Variants in GSDME observed in about 807,000 individuals in gnomAD.
The protein encoded by GSDME is gasdermin-E.
In GSDME, 44 loss-of-function variants were observed where a neutral mutation model predicts 47.5. The observed-to-expected ratio is 0.93, with a 90% CI of 0.73 to 1.19. The LOEUF (loss-of-function observed/expected upper bound fraction) is 1.19, where lower values mean the gene tolerates loss of function less well. Ranked by LOEUF, GSDME falls within the 50% of genes most tolerant of loss-of-function variation. The pLI, the probability that GSDME is intolerant of heterozygous loss-of-function variation, is 0.00. For synonymous variants in GSDME, 258 were observed against 252.8 expected, an observed-to-expected ratio of 1.02 and a Z score of -0.20; for missense variants, 663 against 604.2, an observed-to-expected ratio of 1.10 and a Z score of -1.02.
the GSDME span, among the ~76,000 whole-genome samples, chr7:24,780,815 T>C: frequency 4.4e-3 from 666 of 152,310 alleles, 4 homozygotes; most frequent in African/African-American, 0.015. This position sits in a 1 kb window ranked among gnomAD's most constrained non-coding sequence, Gnocchi z 4.1. Flanking sequence ...TGGAGCCTAG[T>C]AGGATCTAGA....
At chr7:24,748,406 C>T (rs765762855) in intron 2 of GSDME, among the ~76,000 whole-genome samples, 7 of 152,074 alleles carry the variant, frequency 4.6e-5, no homozygotes, top group Non-Finnish European at 8.8e-5. Flanking sequence ...AATCCACCAG[C>T]CTCGGCCTCC....
the GSDME span, among the ~76,000 whole-genome samples, chr7:24,787,853 C>T: frequency 5.9e-5 from 9 of 152,112 alleles, no homozygotes; most frequent in South Asian, 4.2e-4. The surrounding 1 kb of genome is among the most constrained non-coding windows in gnomAD (Gnocchi z 5.0). Context: ...ATTACAGGCA[C>T]GTGCCACCAC....
At chr7:24,758,861 T>A (rs1791118030), upstream of GSDME, among the ~76,000 whole-genome samples, 1 of 152,234 alleles carries the variant, frequency 6.6e-6, no homozygotes, top group Non-Finnish European at 1.5e-5. The surrounding 1 kb of genome is among the most constrained non-coding windows in gnomAD (Gnocchi z 4.6). Flanking sequence ...GTCAGCAGCA[T>A]GAGGGCAGCT....
chr7:24,750,882 CTATT>C (rs1352373349), intron 1 of GSDME, among the ~76,000 whole-genome samples: 1 of 152,130 alleles, frequency 6.6e-6, no homozygotes, highest in Non-Finnish European at 1.5e-5. Flanking sequence ...GCAGTATAGA[CTATT>C]TAATAAATGC....
At position 24,721,196 on chromosome 7, in the gene GSDME, C is replaced by T. The variant is rs982554301; in HGVS notation, c.405-1978G>A. On this transcript the variant is annotated intron_variant, in intron 3 of 9. Coordinates refer to ENST00000645220, the MANE Select transcript of GSDME (RefSeq NM_001127453.2). The surrounding 1 kb of genome is among the most constrained non-coding windows in gnomAD (Gnocchi z 4.1). ...ACAACAGGGTGAATGTATTTAATGC[C>T]ACTGAATTTTACACTTAAAAATGGT... 2.0e-5 allele frequency among the ~76,000 whole-genome samples: 3 copies of T among 152,156 alleles called. No individual in the cohort carries two copies. Among genetic ancestry groups the T allele is most frequent in the Non-Finnish European group, 4.4e-5 (3 of 68,038 alleles).
In GSDME at chr7:24,756,594, C is replaced by T. The variant is rs1791025231; in HGVS notation, c.-20+802G>A. 6.6e-6 allele frequency among the ~76,000 whole-genome samples: 1 copy of T among 152,224 alleles called. No homozygotes were observed. The highest frequency in any genetic ancestry group is 1.5e-5 in the Non-Finnish European group (1 of 68,040). On this transcript the variant is annotated intron_variant, in intron 1 of 9. Coordinates refer to ENST00000645220, the MANE Select transcript of GSDME (RefSeq NM_001127453.2). The surrounding 1 kb of genome is among the most constrained non-coding windows in gnomAD (Gnocchi z 4.2). ...GCGTCTCGAGGACAGCGACCGCAAG[C>T]CATCCATCCCTTTCATTATCCCATT...
chr7:24,707,728 A>G, intron 7 of GSDME: 1 of 420,736 alleles, frequency 2.4e-6, no homozygotes, highest in Non-Finnish European at 4.3e-6. Flanking sequence ...GAGACAGAGC[A>G]GAGGCTGGAG....
chr7:24,765,431 T>C, the GSDME span, among the ~76,000 whole-genome samples: 61,030 of 152,048 alleles, frequency 0.4, 12,714 homozygotes, highest in East Asian at 0.7. Flanking sequence ...GCCTAAAGGT[T>C]GCTCCGGGTA....
At position 24,723,097 on chromosome 7, in the gene GSDME, A is replaced by G. The variant is rs78571206; in HGVS notation, c.405-3879T>C. Among the ~76,000 whole-genome samples, 589 of 152,318 alleles carry G rather than the reference A, an allele frequency of 3.9e-3. 4 individuals are homozygous for G. Among genetic ancestry groups the G allele is most frequent in the African/African-American group, 0.013 (545 of 41,570 alleles). On this transcript the variant is annotated intron_variant, in intron 3 of 9. Coordinates refer to ENST00000645220, the MANE Select transcript of GSDME (RefSeq NM_001127453.2). ...ACCTAGCAGCAAACACTTCCACCCA[A>G]GTCACTGGGATTCTGTTTCCCAGGA...
At chr7:24,771,992 C>T in the GSDME span, among the ~76,000 whole-genome samples, 6 of 152,180 alleles carry the variant, frequency 3.9e-5, no homozygotes, top group South Asian at 2.1e-4. This position sits in a 1 kb window ranked among gnomAD's most constrained non-coding sequence, Gnocchi z 4.1. Context: ...TCAGTTCATG[C>T]GCAACAGCCC....
chr7:24,719,043 G>T lies in GSDME; in HGVS notation c.576+4C>A, dbSNP rs755221661. ...TGAACGCAGGGCAGCCCGACTGCAC[G>T]CACCTGCACCGTCTTGGTCTGGATG... On this transcript the variant is annotated splice_donor_region_variant and intron_variant, in intron 4 of 9. Coordinates refer to ENST00000645220, the MANE Select transcript of GSDME (RefSeq NM_001127453.2). 14 of 1,611,890 alleles carry T rather than the reference G, an allele frequency of 8.7e-6. No homozygotes were observed. In the South Asian group the frequency reaches 1.4e-4, roughly 16 times the overall value.
Position 24,699,054 on chromosome 7 carries a change from A to G in GSDME, c.1463T>C (p.Leu488Pro). 1 of 1,613,716 alleles carries G rather than the reference A, an allele frequency of 6.2e-7. No homozygotes were observed. The highest frequency in any genetic ancestry group is 1.3e-5 in the African/African-American group (1 of 75,046). The change falls in exon 10 of 10, where the codon CTC (leucine) becomes CCC (proline). Residue 488 changes from leucine (L) to proline (P), a missense_variant. Physicochemically the swap from Leu to Pro is moderately conservative, Grantham distance 98. Transcript: ENST00000645220. ...TGAATGTTCTCTGCCTAAAGCACAG[A>G]GTCCATTCAGGGTTATACAAAGAAG... The part of the protein sequence containing the change: ...PLLLCITLNG[L>P]CALGREHS
In GSDME at chr7:24,756,707, G is replaced by A. The variant is rs1011121323; in HGVS notation, c.-20+689C>T. On this transcript the variant is annotated intron_variant, in intron 1 of 9. Transcript: ENST00000645220. The surrounding 1 kb of genome is among the most constrained non-coding windows in gnomAD (Gnocchi z 4.2). ...GCGCTTTTCTAAGAGGTGCCCTCTA[G>A]TCTTTCCCCTCGGGGTGCAGACGGC... Among the ~76,000 whole-genome samples the A allele has an allele frequency of 7.2e-5, 11 of 152,164 alleles. No individual in the cohort carries two copies. The highest frequency in any genetic ancestry group is 1.5e-4 in the Non-Finnish European group (10 of 68,024).
intron 8 of GSDME, chr7:24,704,672 C>A (rs1326011113): frequency 6.6e-6 from 1 of 152,004 alleles, no homozygotes. Context: ...AAGTCAGTCT[C>A]ACATTATGTG....
At position 24,732,242 on chromosome 7, in the gene GSDME, C is replaced by G. The variant is rs1790169460; in HGVS notation, c.404+12320G>C. Among the ~76,000 whole-genome samples, 1 of 152,242 alleles carries G rather than the reference C, an allele frequency of 6.6e-6. No individual in the cohort carries two copies. Among genetic ancestry groups the G allele is most frequent in the African/African-American group, 2.4e-5 (1 of 41,464 alleles). ...ACAAATGGGATGATTTTCAAACCCT[C>G]TGGTAGCCATTGGGAAATTGATCAG... On this transcript the variant is annotated intron_variant, in intron 3 of 9. Transcript: ENST00000645220. This position sits in a 1 kb window ranked among gnomAD's most constrained non-coding sequence, Gnocchi z 4.8.
chr7:24,741,907 T>A (rs145545803), intron 3 of GSDME, among the ~76,000 whole-genome samples: 72 of 152,234 alleles, frequency 4.7e-4, no homozygotes, highest in African/African-American at 1.7e-3. Flanking sequence ...TCCCCTATAG[T>A]TCACCCTGTC....
the GSDME span, among the ~76,000 whole-genome samples, chr7:24,793,624 AT>A: frequency 7.9e-5 from 12 of 151,918 alleles, no homozygotes; most frequent in African/African-American, 1.7e-4. Context: ...TATAACACAC[AT>A]TTTTTTTCTT....
upstream of GSDME, among the ~76,000 whole-genome samples, chr7:24,759,237 G>T (rs1454290072): frequency 6.6e-6 from 1 of 152,116 alleles, no homozygotes; most frequent in Non-Finnish European, 1.5e-5. Flanking sequence ...TGCATCCCCC[G>T]CTAGGGTACT....
the GSDME span, among the ~76,000 whole-genome samples, chr7:24,776,904 C>T: frequency 1.3e-5 from 2 of 152,102 alleles, no homozygotes; most frequent in African/African-American, 4.8e-5. Context: ...GTGCACCAAA[C>T]TATTAACAGT....
Sources: gnomAD v4.1 joint callset for allele counts (sites outside exome capture counted in the v4.1 genomes callset) on GRCh38, gnomAD v4.1.1 for gene constraint, Gnocchi (gnomAD v3.1) non-coding constraint, MANE v1.5 for transcripts, NCBI Gene and HGNC (gene_info 2026-07-23, HGNC 2026-07-21) for gene names.